Variants in IFT122 observed in about 807,000 individuals in gnomAD.
IFT122 encodes the protein intraflagellar transport 122.
Under a neutral mutation model 161.6 loss-of-function variants are expected in IFT122, and 118 were observed. The ratio of observed to expected loss-of-function variants is 0.73; its 90% CI spans 0.63 to 0.85. IFT122 has a LOEUF of 0.85. Among genes scored for constraint, IFT122 ranks in the 40% least tolerant of loss-of-function variants. The pLI is 0.00. For missense variants in IFT122, 1,381 were observed against 1,579.6 expected, an observed-to-expected ratio of 0.87 and a Z score of 2.13; for synonymous variants, 550 against 602.4, an observed-to-expected ratio of 0.91 and a Z score of 1.27.
chr3:129,451,671 C>A (rs182714728), intron 2 of IFT122, among the ~76,000 whole-genome samples: 2 of 152,132 alleles, frequency 1.3e-5, no homozygotes, highest in Non-Finnish European at 2.9e-5. Flanking sequence ...AGTAATTGAA[C>A]CTTTGGTTCT....
At chr3:129,510,263 C>T (rs1196146864) in intron 23 of IFT122, among the ~76,000 whole-genome samples, 1 of 152,214 alleles carries the variant, frequency 6.6e-6, no homozygotes, top group East Asian at 1.9e-4. Context: ...GCCCTGCCTT[C>T]CACCTTGGGC....
Position 129,512,419 on chromosome 3 carries a change from T to C in IFT122, c.2987+7T>C. On this transcript the variant is annotated splice_region_variant and intron_variant, in intron 24 of 29. Transcript: ENST00000348417. ...CCTCGGGCATCTCTAAAGTGTATCC[T>C]TTCTCTTATCCCTCCTCCGTCCCAC... 6.3e-7 allele frequency: 1 copy of C among 1,577,182 alleles called. No homozygotes were observed. Among genetic ancestry groups the C allele is most frequent in the Non-Finnish European group, 8.7e-7 (1 of 1,146,256 alleles).
intron 12 of IFT122, among the ~76,000 whole-genome samples, chr3:129,479,255 C>CAA (rs547629384): frequency 2.5e-4 from 20 of 81,378 alleles, no homozygotes; most frequent in South Asian, 8.1e-4. Context: ...CCATCTCCAC[C>CAA]AAAAAAAAAA....
At chr3:129,441,184 C>T (rs1483538435) in intron 1 of IFT122, among the ~76,000 whole-genome samples, 1 of 152,226 alleles carries the variant, frequency 6.6e-6, no homozygotes, top group Non-Finnish European at 1.5e-5. Context: ...CTTGGCCTGA[C>T]TTTGAAAATC....
rs746908011 is a variant in IFT122 at position 129,495,468 on chromosome 3, C to T, written c.2069C>T (p.Thr690Ile). The change falls in exon 18 of 30, where the codon ACC becomes ATC. Residue 690 changes from threonine to isoleucine, a missense_variant. This residue lies in a region of IFT122 where 496 missense variants were observed against 502.5 expected (regional missense o/e 0.99). Transcript: ENST00000348417. The part of the protein sequence containing the change: ...SIEERKKRGE[T>I]NNDLFLADVF... ...CAGGAGAGGAAGAAGCGGGGAGAGA[C>T]CAACAATGACCTGTTTCTGGCAGAT... 7 of 1,614,072 alleles carry T rather than the reference C, an allele frequency of 4.3e-6. No individual in the cohort carries two copies. The highest frequency in any genetic ancestry group is 5.9e-6 in the Non-Finnish European group (7 of 1,180,040).
intron 23 of IFT122, among the ~76,000 whole-genome samples, chr3:129,508,332 T>G (rs1451942759): frequency 6.6e-6 from 1 of 152,218 alleles, no homozygotes; most frequent in East Asian, 1.9e-4. Context: ...GTCAACAGCC[T>G]CTTCATCCAC....
intron 17 of IFT122, among the ~76,000 whole-genome samples, chr3:129,494,358 T>C (rs2080566767): frequency 6.6e-6 from 1 of 152,164 alleles, no homozygotes; most frequent in Non-Finnish European, 1.5e-5. Context: ...AATCAATCTT[T>C]TATCTCACGG....
At position 129,512,556 on chromosome 3, in the gene IFT122, G is replaced by C. The variant is rs960102272; in HGVS notation, c.2987+144G>C. 7 of 736,922 alleles carry C rather than the reference G, an allele frequency of 9.5e-6. No individual in the cohort carries two copies. In the Admixed American group the frequency reaches 1.4e-4, roughly 14 times the overall value. The allele number at this position is 736,922 out of a possible 1,614,324, so 45.6% of individuals were successfully genotyped here. A position where few individuals can be genotyped will look rare whatever the true frequency, so the allele number is the denominator to read the frequency against. On this transcript the variant is annotated intron_variant, in intron 24 of 29. Coordinates refer to ENST00000348417, the MANE Select transcript of IFT122 (RefSeq NM_052989.3). The stretch of plus-strand genomic sequence containing the variant: ...ACAGAGAACTCACCCTCCCGCTGCT[G>C]TTTGGCTATAGAGGCTCAGCAGGGA...
intron 1 of IFT122, among the ~76,000 whole-genome samples, chr3:129,440,873 A>G (rs953257638): frequency 6.6e-6 from 1 of 152,198 alleles, no homozygotes; most frequent in Non-Finnish European, 1.5e-5. Flanking sequence ...TCTAAGTGTA[A>G]AAGTAAAACT....
At chr3:129,498,480 G>A (rs1317457160) in intron 18 of IFT122, among the ~76,000 whole-genome samples, 1 of 152,220 alleles carries the variant, frequency 6.6e-6, no homozygotes, top group Admixed American at 6.5e-5. Context: ...TGCTTTCCAA[G>A]CCCCTTCCCT....
chr3:129,440,521 C>A, intron 1 of IFT122, 150 bp downstream of exon 1: 1 of 964,100 alleles, frequency 1.0e-6, no homozygotes, highest in Non-Finnish European at 1.6e-6. Flanking sequence ...GGTCGCCCTC[C>A]CGCCCCTTGG....
At chr3:129,473,849 G>T (rs1052771501) in intron 9 of IFT122, among the ~76,000 whole-genome samples, 2 of 152,196 alleles carry the variant, frequency 1.3e-5, no homozygotes, top group African/African-American at 4.8e-5. Context: ...TTCTAAATGT[G>T]CATGTGTCTT....
In IFT122 at chr3:129,502,756, C is replaced by T. The variant is rs1305729788; in HGVS notation, c.2421C>T (p.Pro807=). ...AACTGGACAAGGCTGAGCGCGAGCC[C>T]CTGCTGCTGTGCGCTACCTACCTCA... is the stretch of plus-strand genomic sequence containing the variant. ...ARKLDKAERE[P]LLLCATYLKK... Residue 807 remains proline, a synonymous_variant, in exon 20 of 30, where the codon CCC becomes CCT. Coordinates refer to ENST00000348417, the MANE Select transcript of IFT122 (RefSeq NM_052989.3). 2 of 1,611,800 alleles carry T rather than the reference C, an allele frequency of 1.2e-6. No homozygotes were observed. The highest frequency in any genetic ancestry group is 2.2e-5 in the East Asian group (1 of 44,884).
intron 20 of IFT122, 81 bp downstream of exon 20, chr3:129,502,963 G>A (rs1041113576): frequency 2.9e-6 from 4 of 1,377,996 alleles, no homozygotes; most frequent in Non-Finnish European, 4.0e-6. Context: ...GGCCCTTTGG[G>A]GTTCAGATGG....
chr3:129,493,986 A>C (rs2080491886), intron 17 of IFT122, among the ~76,000 whole-genome samples: 1 of 152,214 alleles, frequency 6.6e-6, no homozygotes, highest in African/African-American at 2.4e-5. Flanking sequence ...ACTTATTTGC[A>C]CACATCTGGG....
At position 129,483,667 on chromosome 3, in the gene IFT122, C is replaced by T. The variant is rs781006994; in HGVS notation, c.1836C>T (p.Ala612=). The change falls in exon 15 of 30, where the codon GCC becomes GCT. Residue 612 remains alanine, a synonymous_variant. Coordinates refer to ENST00000348417, the MANE Select transcript of IFT122 (RefSeq NM_052989.3). The part of the protein sequence containing the change: ...IFCLHVFSIS[A]VEVPQSAPMY... ...GCCTCCATGTCTTCTCCATTTCTGC[C>T]GTGGAGGTGCCGCAGGTAACTGGGG... is the stretch of plus-strand genomic sequence containing the variant. 3.4e-5 allele frequency: 54 copies of T among 1,600,074 alleles called. 1 individual carries two copies. Among genetic ancestry groups the T allele is most frequent in the South Asian group, 2.4e-4 (21 of 89,136 alleles).
intron 1 of IFT122, among the ~76,000 whole-genome samples, chr3:129,446,233 T>G (rs1193651961): frequency 6.6e-6 from 1 of 151,880 alleles, no homozygotes; most frequent in African/African-American, 2.4e-5. Flanking sequence ...TTTTTGTTTT[T>G]TTTTTTTCTG....
chr3:129,494,219 T>TG (rs1272639733), intron 17 of IFT122, among the ~76,000 whole-genome samples: 1 of 151,918 alleles, frequency 6.6e-6, no homozygotes, highest in East Asian at 1.9e-4. Flanking sequence ...TTTGTTTGTT[T>TG]TTTTTTTGCA....
chr3:129,470,030 G>C (rs1275032455), intron 9 of IFT122, among the ~76,000 whole-genome samples: 1 of 152,050 alleles, frequency 6.6e-6, no homozygotes, highest in Non-Finnish European at 1.5e-5. Flanking sequence ...GGGAGGTCTT[G>C]TTAGAGGTTA....
Sources: gnomAD v4.1 joint callset for allele counts (sites outside exome capture counted in the v4.1 genomes callset) on GRCh38, gnomAD v4.1.1 for gene constraint, gnomAD v4.1.1 regional missense constraint, MANE v1.5 for transcripts, NCBI Gene and HGNC (gene_info 2026-07-23, HGNC 2026-07-21) for gene names.